FCRLB: variants seen among roughly 807,000 people sequenced by gnomAD.
FCRLB encodes Fc receptor like B.
Under a neutral mutation model 33.6 loss-of-function variants are expected in FCRLB, and 34 were observed. The observed-to-expected ratio is 1.01, with a 90% CI of 0.77 to 1.35. The LOEUF (loss-of-function observed/expected upper bound fraction) is 1.35, where lower values mean the gene tolerates loss of function less well. Among genes scored for constraint, FCRLB ranks in the 40% most tolerant of loss-of-function variants. The pLI is 0.00. For missense variants in FCRLB, 560 were observed against 580.2 expected, an observed-to-expected ratio of 0.97 and a Z score of 0.36; for synonymous variants, 280 against 255.9, an observed-to-expected ratio of 1.09 and a Z score of -0.90.
Position 161,726,031 on chromosome 1 carries a change from G to C in FCRLB, c.518G>C (p.Arg173Pro). The change falls in exon 6 of 8, where the codon CGC (arginine) becomes CCC (proline). Residue 173 changes from arginine to proline, a missense_variant. Arg to Pro is a moderately radical substitution (Grantham distance 103). Transcript: ENST00000367948. The surrounding 1 kb of genome is among the most constrained non-coding windows in gnomAD (Gnocchi z 5.2). ...CGCTACCAGTGCTCGGGCACCATGC[G>C]CATCCCGGTGGAGAGCGCGCCCATG... is the stretch of plus-strand genomic sequence containing the variant. 2 of 1,613,684 alleles carry C rather than the reference G, an allele frequency of 1.2e-6. No homozygotes were observed. Among genetic ancestry groups the C allele is most frequent in the Non-Finnish European group, 1.7e-6 (2 of 1,179,702 alleles).
At chr1:161,722,553 G>A in intron 2 of FCRLB, 100 bp from the exon 3 acceptor site, 2 of 1,121,698 alleles carry the variant, frequency 1.8e-6, no homozygotes, top group Admixed American at 1.9e-5. Context: ...GGAGTGGGTG[G>A]GAGAAGCAGC....
chr1:161,727,459 T>C (rs1683633559), exon 8 of FCRLB: 1 of 1,613,896 alleles, frequency 6.2e-7, no homozygotes, highest in Non-Finnish European at 8.5e-7. Context: ...GCCGACGCCC[T>C]TGGAACAATC....
rs1423160018 is a variant in FCRLB, at chr1:161,727,418, C to CCCCGACTGCGGGGCCA, written c.1042_1057dup (p.Ala353AspfsTer119). On this transcript the variant is annotated frameshift_variant, in exon 8 of 8. Transcript: ENST00000367948. LOFTEE classifies it low-confidence loss of function (END_TRUNC). ...GGGCTGCAGTTCCCGGCGAGCGGCGCCCCGACTGCGGGGCCACCCGCCTGC... is the reference window on the plus strand; with the variant it reads ...GGGCTGCAGTTCCCGGCGAGCGGCGCCCCGACTGCGGGGCCACCCGACTGCGGGGCCACCCGCCTGC... The CCCCGACTGCGGGGCCA allele has an allele frequency of 1.2e-6, 2 of 1,613,170 alleles. No individual in the cohort carries two copies. The highest frequency in any genetic ancestry group is 1.7e-6 in the Non-Finnish European group (2 of 1,179,672).
exon 5 of FCRLB, chr1:161,723,462 C>G (rs762019328): frequency 6.2e-7 from 1 of 1,614,210 alleles, no homozygotes; most frequent in South Asian, 1.1e-5. Flanking sequence ...ATACCACCCA[C>G]TGCTCCTGGA....
chr1:161,727,531 C>A, exon 8 of FCRLB: 1 of 1,614,172 alleles, frequency 6.2e-7, no homozygotes, highest in Non-Finnish European at 8.5e-7. Flanking sequence ...GCTCAAAGGC[C>A]TTCTGAGCCG....
At chr1:161,727,864 G>C (rs1024590340) in exon 8 of FCRLB, 1 of 609,202 alleles carries the variant, frequency 1.6e-6, no homozygotes, top group Middle Eastern at 3.7e-4. Context: ...AATTCTCACA[G>C]AATTCAGCAA....
chr1:161,727,570 G>A, exon 8 of FCRLB: 1 of 1,614,182 alleles, frequency 6.2e-7, no homozygotes, highest in African/African-American at 1.3e-5. Context: ...GGAGCCACAG[G>A]CCCTCCGGGA....
At chr1:161,727,403 T>A (rs1683628165) in exon 8 of FCRLB, 2 of 1,613,084 alleles carry the variant, frequency 1.2e-6, no homozygotes, top group African/African-American at 2.7e-5. Flanking sequence ...GGGCTGCAGT[T>A]CCCGGCGAGC....
Position 161,726,096 on chromosome 1 carries a change from G to T in FCRLB, c.574+9G>T, listed in dbSNP as rs375748940. On this transcript the variant is annotated intron_variant, in intron 6 of 7. Transcript: ENST00000367948. This position sits in a 1 kb window ranked among gnomAD's most constrained non-coding sequence, Gnocchi z 5.2. ...GGCTGTGACAGTGCAAGGTGGGAGA[G>T]ACCAGGGGCCCCGGGAGGGAGGCAA... The T allele has an allele frequency of 6.2e-7, 1 of 1,605,722 alleles. No individual in the cohort carries two copies. Among genetic ancestry groups the T allele is most frequent in the South Asian group, 1.1e-5 (1 of 90,380 alleles).
chr1:161,727,687 A>ACAGGAGT, exon 8 of FCRLB: 1 of 1,558,202 alleles, frequency 6.4e-7, no homozygotes, highest in Non-Finnish European at 8.7e-7. Flanking sequence ...TCCCCTCTGC[A>ACAGGAGT]GGCTCATTCC....
intron 5 of FCRLB, among the ~76,000 whole-genome samples, chr1:161,724,549 A>T (rs184034334): frequency 1.3e-5 from 2 of 152,248 alleles, no homozygotes; most frequent in East Asian, 3.9e-4. Context: ...GTGAGCTGAG[A>T]TCGTGCACTC....
rs750427218 is a variant in FCRLB at position 161,727,244 on chromosome 1, C to T, written c.866-3C>T. 7.1e-5 allele frequency: 113 copies of T among 1,592,508 alleles called. No homozygotes were observed. The highest frequency in any genetic ancestry group is 9.4e-5 in the Non-Finnish European group (110 of 1,167,138). Reference sequence around the variant, plus strand: ...CGCGTGACTGGGCGTAATGCATTCACAGGTTCTCCCCTGGACCCGGCCTCC... The same window carrying T: ...CGCGTGACTGGGCGTAATGCATTCATAGGTTCTCCCCTGGACCCGGCCTCC... On this transcript the variant is annotated splice_region_variant and splice_polypyrimidine_tract_variant and intron_variant, in intron 7 of 7. Coordinates refer to ENST00000367948, the Ensembl canonical transcript of FCRLB.
At position 161,726,888 on chromosome 1, in the gene FCRLB, G is replaced by C; in HGVS notation, c.760G>C (p.Val254Leu). 6.3e-7 allele frequency: 1 copy of C among 1,586,206 alleles called. No homozygotes were observed. The highest frequency in any genetic ancestry group is 8.6e-7 in the Non-Finnish European group (1 of 1,165,630). Residue 254 changes from valine (V) to leucine (L), a missense_variant, in exon 7 of 8, where the codon GTC becomes CTC. Val to Leu is a conservative substitution (Grantham distance 32). Coordinates refer to ENST00000367948, the Ensembl canonical transcript of FCRLB. This position sits in a 1 kb window ranked among gnomAD's most constrained non-coding sequence, Gnocchi z 5.2. ...CTTCGACTGGGGCGCCGAGTACACA[G>C]TCCCGGAGCCCGAGGTCGAGGAGCT...
At chr1:161,727,491 C>A in exon 8 of FCRLB, 2 of 1,614,174 alleles carry the variant, frequency 1.2e-6, no homozygotes, top group Middle Eastern at 1.7e-4. Context: ...TGAAACCCGA[C>A]GTGGACCTTC....
intron 5 of FCRLB, among the ~76,000 whole-genome samples, chr1:161,723,936 T>C (rs1321409464): frequency 6.6e-6 from 1 of 152,034 alleles, no homozygotes; most frequent in African/African-American, 2.4e-5. Context: ...CAGAGAACTT[T>C]AGGGGGTTGG....
intron 2 of FCRLB, among the ~76,000 whole-genome samples, chr1:161,722,068 C>T (rs1683391274): frequency 6.6e-6 from 1 of 152,122 alleles, no homozygotes; most frequent in Non-Finnish European, 1.5e-5. Flanking sequence ...CTATCCTTGA[C>T]TGGGGAACTA....
chr1:161,725,906 G>T (rs773680533), exon 6 of FCRLB: 6 of 1,614,242 alleles, frequency 3.7e-6, no homozygotes, highest in African/African-American at 1.3e-5. Context: ...ACGACAAGGT[G>T]GTCTACAAGC....
rs776322183 is a variant in FCRLB at position 161,726,212 on chromosome 1, C to G, written c.574+125C>G. 6.9e-7 allele frequency: 1 copy of G among 1,450,258 alleles called. No individual in the cohort carries two copies. Among genetic ancestry groups the G allele is most frequent in the East Asian group, 2.3e-5 (1 of 43,166 alleles). The allele number at this position is 1,450,258 out of a possible 1,614,324, so 89.8% of individuals were successfully genotyped here. On this transcript the variant is annotated intron_variant, in intron 6 of 7. Transcript: ENST00000367948. The surrounding 1 kb of genome is among the most constrained non-coding windows in gnomAD (Gnocchi z 5.2). ...TGCCACTTGGAGGGTTTCTCTTAGA[C>G]TATGGACGCTGTCTCCTCTCCTTTG... is the stretch of plus-strand genomic sequence containing the variant.
Position 161,726,583 on chromosome 1 carries a change from G to A in FCRLB, c.575-120G>A, listed in dbSNP as rs972041150. 2 of 1,370,338 alleles carry A rather than the reference G, an allele frequency of 1.5e-6. No homozygotes were observed. Among genetic ancestry groups the A allele is most frequent in the Non-Finnish European group, 2.0e-6 (2 of 996,574 alleles). 84.9% of individuals were successfully genotyped at this position (1,370,338 alleles called of 1,614,324 possible). A position where few individuals can be genotyped will look rare whatever the true frequency, so the allele number is the denominator to read the frequency against. ...CCCTTCCCCCTCCACGTGGACACACGGCCTCCTCCCCTCCCCCCTTGGTCT... is the reference window on the plus strand; with the variant it reads ...CCCTTCCCCCTCCACGTGGACACACAGCCTCCTCCCCTCCCCCCTTGGTCT... On this transcript the variant is annotated intron_variant, in intron 6 of 7. Transcript: ENST00000367948. This position sits in a 1 kb window ranked among gnomAD's most constrained non-coding sequence, Gnocchi z 5.2.
Sources: gnomAD v4.1 joint callset for allele counts (sites outside exome capture counted in the v4.1 genomes callset) on GRCh38, gnomAD v4.1.1 for gene constraint, Gnocchi (gnomAD v3.1) non-coding constraint, MANE v1.5 for transcripts, NCBI Gene and HGNC (gene_info 2026-07-23, HGNC 2026-07-21) for gene names.